Variants in KCNB2 observed in about 807,000 individuals in gnomAD.
KCNB2 encodes the protein potassium voltage-gated channel subfamily B member 2.
In KCNB2, 15 loss-of-function variants were observed where a neutral mutation model predicts 61.5. The observed-to-expected ratio is 0.24, with a 90% CI of 0.16 to 0.38. The LOEUF (loss-of-function observed/expected upper bound fraction) is 0.38, where lower values mean the gene tolerates loss of function less well. KCNB2 is among the 10% of genes least tolerant of loss of function. The pLI is 1.00. For missense variants in KCNB2, 828 were observed against 1,125.2 expected (o/e 0.74, Z 3.78); for synonymous variants, 457 against 446.0 (o/e 1.02, Z -0.31).
chr8:72,578,672 G>A (rs930457487), intron 2 of KCNB2, among the ~76,000 whole-genome samples: 1 of 152,192 alleles, frequency 6.6e-6, no homozygotes, highest in Non-Finnish European at 1.5e-5. Flanking sequence ...ATACAGATTA[G>A]CCTGAGGAAA....
intron 2 of KCNB2, among the ~76,000 whole-genome samples, chr8:72,785,704 A>G (rs181401304): frequency 1.3e-5 from 2 of 152,188 alleles, no homozygotes; most frequent in East Asian, 3.9e-4. Flanking sequence ...TTTCTGGTAT[A>G]TTGTCTTCTC....
At chr8:72,695,483 A>G (rs933366842) in intron 2 of KCNB2, among the ~76,000 whole-genome samples, 1 of 152,214 alleles carries the variant, frequency 6.6e-6, no homozygotes, top group Admixed American at 6.5e-5. Context: ...TTATGTGACT[A>G]TGACAAATGC....
intron 2 of KCNB2, among the ~76,000 whole-genome samples, chr8:72,833,405 A>G (rs560721342): frequency 1.3e-5 from 2 of 152,248 alleles, no homozygotes; most frequent in Middle Eastern, 3.4e-3. Flanking sequence ...GTCAACAAGG[A>G]ACAGATAAAA....
intron 2 of KCNB2, among the ~76,000 whole-genome samples, chr8:72,737,980 A>C (rs1807878575): frequency 1.3e-5 from 2 of 152,170 alleles, no homozygotes; most frequent in Non-Finnish European, 2.9e-5. Context: ...TTAGCCTTGC[A>C]CCATGCATGT....
chr8:72,873,105 C>A (rs1194827766), intron 2 of KCNB2, among the ~76,000 whole-genome samples: 1 of 152,350 alleles, frequency 6.6e-6, no homozygotes, highest in African/African-American at 2.4e-5. Flanking sequence ...CTCCCAGCCA[C>A]TTCCTTGTCC....
rs138131946 is a variant in KCNB2 at position 72,718,921 on chromosome 8, C to G, written c.579+150608C>G. 5.4e-3 allele frequency among the ~76,000 whole-genome samples: 822 copies of G among 152,098 alleles called. 7 individuals are homozygous for G. The highest frequency in any genetic ancestry group is 0.018 in the African/African-American group (764 of 41,504). On this transcript the variant is annotated intron_variant, in intron 2 of 2. Coordinates refer to ENST00000523207, the MANE Select transcript of KCNB2 (RefSeq NM_004770.3). ...GAGAATACTATGGGAATAAATTGGCCGAGTCATAAGGCGAGATTTTTTTCC... is the reference window on the plus strand; with the variant it reads ...GAGAATACTATGGGAATAAATTGGCGGAGTCATAAGGCGAGATTTTTTTCC...
chr8:72,926,381 A>C (rs1019882821), intron 2 of KCNB2, among the ~76,000 whole-genome samples: 1 of 152,224 alleles, frequency 6.6e-6, no homozygotes, highest in African/African-American at 2.4e-5. Context: ...CTCAACTTAT[A>C]AAATCTAGTT....
chr8:72,928,191 C>CTTTTT (rs879676235), intron 2 of KCNB2, among the ~76,000 whole-genome samples: 10 of 134,900 alleles, frequency 7.4e-5, no homozygotes, highest in African/African-American at 2.3e-4. Context: ...CACTTTCTTT[C>CTTTTT]TTTTTTTTTT....
At chr8:72,578,159 T>C (rs185086236) in intron 2 of KCNB2, among the ~76,000 whole-genome samples, 115 of 152,332 alleles carry the variant, frequency 7.5e-4, no homozygotes, top group African/African-American at 2.6e-3. Context: ...CTGTGATAAA[T>C]TAGATGTATT....
chr8:72,930,838 T>C (rs1683858314), intron 2 of KCNB2, among the ~76,000 whole-genome samples: 1 of 152,202 alleles, frequency 6.6e-6, no homozygotes, highest in Non-Finnish European at 1.5e-5. Flanking sequence ...TTTGTTGCCA[T>C]TGCTTTTGGT....
intron 2 of KCNB2, among the ~76,000 whole-genome samples, chr8:72,697,947 G>T (rs1807044456): frequency 6.6e-6 from 1 of 152,096 alleles, no homozygotes; most frequent in Admixed American, 6.6e-5. Flanking sequence ...TCTGGGATTG[G>T]AGCTGAGCCA....
chr8:72,645,395 T>G (rs371540754), intron 2 of KCNB2, among the ~76,000 whole-genome samples: 1 of 152,194 alleles, frequency 6.6e-6, no homozygotes, highest in African/African-American at 2.4e-5. Flanking sequence ...ATGGCAGTAG[T>G]GCATTTTATG....
At chr8:72,801,378 T>C (rs1438360021) in intron 2 of KCNB2, among the ~76,000 whole-genome samples, 2 of 152,202 alleles carry the variant, frequency 1.3e-5, no homozygotes, top group Non-Finnish European at 2.9e-5. Flanking sequence ...AACACTTTTG[T>C]GGTGAGCCCC....
intron 2 of KCNB2, among the ~76,000 whole-genome samples, chr8:72,647,110 G>A (rs774427393): frequency 3.9e-5 from 6 of 152,120 alleles, no homozygotes; most frequent in South Asian, 2.1e-4. Flanking sequence ...GGCAGCGTGC[G>A]TGAGGGGTTG....
At chr8:72,741,633 A>G (rs146245038) in intron 2 of KCNB2, among the ~76,000 whole-genome samples, 1 of 151,366 alleles carries the variant, frequency 6.6e-6, no homozygotes, top group African/African-American at 2.4e-5. Flanking sequence ...GCATCCTCAT[A>G]TCTTAGCTCC....
At chr8:72,587,245 G>A (rs957558159) in intron 2 of KCNB2, among the ~76,000 whole-genome samples, 1 of 152,034 alleles carries the variant, frequency 6.6e-6, no homozygotes, top group African/African-American at 2.4e-5. Flanking sequence ...CAATCCACTT[G>A]TCAGCCTATC....
chr8:72,610,105 A>G (rs72668147), intron 2 of KCNB2, among the ~76,000 whole-genome samples: 5,893 of 152,290 alleles, frequency 0.039, 175 homozygotes, highest in Middle Eastern at 0.11. Context: ...GGATAAAACA[A>G]CAGGAAAAAA....
chr8:72,738,726 C>G (rs1047495160), intron 2 of KCNB2, among the ~76,000 whole-genome samples: 21 of 152,250 alleles, frequency 1.4e-4, no homozygotes, highest in African/African-American at 5.1e-4. Flanking sequence ...GTTGCTGAGA[C>G]TTGGTGGTTC....
rs986858833 is a variant in KCNB2, at chr8:72,684,780, T to C, written c.579+116467T>C. 6.6e-5 allele frequency among the ~76,000 whole-genome samples: 10 copies of C among 152,324 alleles called. No individual in the cohort carries two copies. The East Asian group carries it at 1.7e-3, about 27-fold the overall frequency. ...ATTAAGAACTGGACTGGCAGACCTG[T>C]ATTGAGAGTAGAAAGTCACTGAGTA... On this transcript the variant is annotated intron_variant, in intron 2 of 2. Transcript: ENST00000523207.
Sources: allele counts gnomAD v4.1 joint callset (sites outside exome capture counted in the v4.1 genomes callset), GRCh38; gene constraint gnomAD v4.1.1; transcripts MANE v1.5; gene names NCBI Gene and HGNC (gene_info 2026-07-23, HGNC 2026-07-21).